The following NFKBIZ variants were observed in gnomAD, a reference collection of about 807,000 sequenced individuals.
NFKBIZ encodes NF-kappa-B inhibitor zeta.
In NFKBIZ, 19 loss-of-function variants were observed where a neutral mutation model predicts 76.8. The ratio of observed to expected loss-of-function variants is 0.25; its 90% confidence interval spans 0.17 to 0.36. NFKBIZ has a LOEUF of 0.36. Ranked by LOEUF, NFKBIZ falls within the 10% of genes least tolerant of loss-of-function variation. NFKBIZ has a pLI of 1.00. For missense variants in NFKBIZ, 829 were observed against 910.9 expected, an observed-to-expected ratio of 0.91 and a Z score of 1.16; for synonymous variants, 368 against 354.8, an observed-to-expected ratio of 1.04 and a Z score of -0.42.
In NFKBIZ at chr3:101,852,934, C is replaced by T. The variant is rs770347676; in HGVS notation, c.509C>T (p.Ser170Leu). Residue 170 changes from serine to leucine, a missense_variant, in exon 4 of 12, where the codon TCG (serine) becomes TTG (leucine). Around this residue, in one of 4 missense-constraint regions of NFKBIZ, gnomAD observed 371 missense variants for 332.3 expected, o/e 1.12. Transcript: ENST00000326172. ...SYSGKRKGPD[S>L]LSDGPACKRP... ...AGTGGGAAAAGGAAAGGGCCCGATT[C>T]GTTGTCTGATGGACCTGCTTGCAAA... The T allele has an allele frequency of 8.1e-6, 13 of 1,614,140 alleles. No individual in the cohort carries two copies. The highest frequency in any genetic ancestry group is 4.4e-5 in the South Asian group (4 of 91,068).
At chr3:101,851,579 T>C (rs1340265781) in intron 1 of NFKBIZ, among the ~76,000 whole-genome samples, 1 of 152,262 alleles carries the variant, frequency 6.6e-6, no homozygotes, top group Non-Finnish European at 1.5e-5. Context: ...TAAGCGGAAT[T>C]GATAGACTTT....
intron 2 of NFKBIZ, among the ~76,000 whole-genome samples, chr3:101,834,608 G>A (rs866425607): frequency 1.3e-5 from 2 of 152,174 alleles, no homozygotes; most frequent in African/African-American, 2.4e-5. Context: ...TGATCCACCC[G>A]CCTCAGCCTC....
Position 101,854,560 on chromosome 3 carries a change from C to G in NFKBIZ, c.1338-18C>G. 1 of 1,502,512 alleles carries G rather than the reference C, an allele frequency of 6.7e-7. No homozygotes were observed. Among genetic ancestry groups the G allele is most frequent in the Non-Finnish European group, 9.2e-7 (1 of 1,085,514 alleles). The allele number at this position is 1,502,512 out of a possible 1,614,324, so 93.1% of individuals were successfully genotyped here. ...AAATCAGAAGTGATTCACCCGCTTTCCTTTCCATGTTCCCCAGGTTCCTTC... is the reference window on the plus strand; with the variant it reads ...AAATCAGAAGTGATTCACCCGCTTTGCTTTCCATGTTCCCCAGGTTCCTTC... On this transcript the variant is annotated intron_variant, in intron 5 of 11. Coordinates refer to ENST00000326172, the MANE Select transcript of NFKBIZ (RefSeq NM_031419.4).
chr3:101,843,009 A>G (rs1267765402), intron 2 of NFKBIZ, among the ~76,000 whole-genome samples: 1 of 143,392 alleles, frequency 7.0e-6, no homozygotes, highest in Non-Finnish European at 1.5e-5. Flanking sequence ...ATTTTTAAAA[A>G]CTGTATTTTC....
At chr3:101,838,443 G>T (rs1027372008) in intron 2 of NFKBIZ, among the ~76,000 whole-genome samples, 2 of 152,202 alleles carry the variant, frequency 1.3e-5, no homozygotes, top group African/African-American at 4.8e-5. Context: ...TTAAAGCAAG[G>T]GTTGGCAGAC....
intron 1 of NFKBIZ, among the ~76,000 whole-genome samples, chr3:101,851,252 A>T (rs1292372744): frequency 6.6e-6 from 1 of 152,234 alleles, no homozygotes; most frequent in South Asian, 2.1e-4. Flanking sequence ...ACATACTAAG[A>T]GGTTGTGACA....
chr3:101,858,708 C>G (rs1943089183), intron 11 of NFKBIZ, among the ~76,000 whole-genome samples: 3 of 152,150 alleles, frequency 2.0e-5, no homozygotes, highest in Non-Finnish European at 2.9e-5. Flanking sequence ...TAAATTGTTG[C>G]TTCTAATCTG....
chr3:101,856,039 G>T, intron 9 of NFKBIZ, 137 bp downstream of exon 9: 2 of 732,008 alleles, frequency 2.7e-6, no homozygotes, highest in Non-Finnish European at 4.1e-6. Flanking sequence ...TGTATGGGTG[G>T]TTAAGAAGCC....
At chr3:101,834,639 G>A (rs1942691749) in intron 2 of NFKBIZ, among the ~76,000 whole-genome samples, 1 of 152,204 alleles carries the variant, frequency 6.6e-6, no homozygotes. Context: ...GGGATCACAG[G>A]CGTGAGCCAC....
In NFKBIZ at chr3:101,849,545, C is replaced by G; in HGVS notation, c.-84C>G. The G allele has an allele frequency of 8.3e-7, 1 of 1,205,752 alleles. No homozygotes were observed. Among genetic ancestry groups the G allele is most frequent in the East Asian group, 3.3e-5 (1 of 30,610 alleles). The allele number at this position is 1,205,752 out of a possible 1,614,324, so 74.7% of individuals were successfully genotyped here. ...GCCCGCGCCGTCCGCCCGCCGACAG[C>G]TCCCTGAGCCAGCCCGGGAGGCAGC... On this transcript the variant is annotated 5_prime_UTR_variant, in exon 1 of 12. Coordinates refer to ENST00000326172, the MANE Select transcript of NFKBIZ (RefSeq NM_031419.4).
intron 1 of NFKBIZ, among the ~76,000 whole-genome samples, chr3:101,829,230 A>G (rs186697809): frequency 2.5e-4 from 38 of 152,328 alleles, no homozygotes; most frequent in Non-Finnish European, 4.9e-4. Context: ...GGCGTGGAGC[A>G]CTGCGGTGGC....
chr3:101,856,990 C>A lies in NFKBIZ; in HGVS notation c.1825-83C>A, dbSNP rs535649236. 2.8e-5 allele frequency: 27 copies of A among 974,410 alleles called. 1 individual carries two copies. Among genetic ancestry groups the A allele is most frequent in the Non-Finnish European group, 3.6e-5 (23 of 640,846 alleles). The allele number at this position is 974,410 out of a possible 1,614,324, so 60.4% of individuals were successfully genotyped here. A position where few individuals can be genotyped will look rare whatever the true frequency, so the allele number is the denominator to read the frequency against. On this transcript the variant is annotated intron_variant, in intron 9 of 11. Coordinates refer to ENST00000326172, the MANE Select transcript of NFKBIZ (RefSeq NM_031419.4). Reference sequence around the variant, plus strand: ...AGTCTCTGAAGCTGAATCAGACATTCAGGAGACTGGGTGAAAAGTGTATTC... The same window carrying A: ...AGTCTCTGAAGCTGAATCAGACATTAAGGAGACTGGGTGAAAAGTGTATTC...
Position 101,838,599 on chromosome 3 carries a change from A to G in NFKBIZ, c.-12+8911A>G, listed in dbSNP as rs73865903. On this transcript the variant is annotated intron_variant, in intron 2 of 12. Coordinates refer to the NFKBIZ transcript ENST00000394054. ...ACCATTTTTAGGTGACAGCTGTGCA[A>G]TAGGTTGGATTTGGCCTGCAGGCCG... 9.6e-3 allele frequency among the ~76,000 whole-genome samples: 1,469 copies of G among 152,354 alleles called. 27 individuals carry two copies. Among genetic ancestry groups the G allele is most frequent in the African/African-American group, 0.033 (1,378 of 41,576 alleles).
At chr3:101,836,701 A>C (rs1240791095) in intron 2 of NFKBIZ, among the ~76,000 whole-genome samples, 1 of 152,212 alleles carries the variant, frequency 6.6e-6, no homozygotes, top group Non-Finnish European at 1.5e-5. Flanking sequence ...GTTCTTTAAC[A>C]AATGTCTTTT....
upstream of NFKBIZ, among the ~76,000 whole-genome samples, chr3:101,845,975 CTTCTT>C (rs1401837040): frequency 1.3e-5 from 2 of 152,220 alleles, no homozygotes; most frequent in African/African-American, 4.8e-5. Flanking sequence ...ATTTCAATCT[CTTCTT>C]TGCTTTCGAT....
intron 2 of NFKBIZ, among the ~76,000 whole-genome samples, chr3:101,833,719 G>A (rs1942677294): frequency 6.6e-6 from 1 of 152,126 alleles, no homozygotes; most frequent in South Asian, 2.1e-4. Context: ...GTAAGGTTTC[G>A]TATCTTGTAA....
chr3:101,849,733 C>T lies in NFKBIZ; in HGVS notation c.105C>T (p.Phe35=), dbSNP rs751162493. 2.1e-6 allele frequency: 3 copies of T among 1,449,666 alleles called. No individual in the cohort carries two copies. The highest frequency in any genetic ancestry group is 1.8e-6 in the Non-Finnish European group (2 of 1,106,046). 89.8% of individuals were successfully genotyped at this position (1,449,666 alleles called of 1,614,324 possible). The stretch of plus-strand genomic sequence containing the variant: ...CCAGCCCGCTCAACCTGAGCTACTT[C>T]TACGGCGCGTCGCCGCCCGCCGCCG... ...LMTSPLNLSY[F]YGASPPAAAP... is the part of the protein sequence containing the mutation. The change falls in exon 1 of 12, where the codon TTC becomes TTT. Residue 35 remains phenylalanine, a synonymous_variant. Coordinates refer to ENST00000326172, the MANE Select transcript of NFKBIZ (RefSeq NM_031419.4).
In NFKBIZ at chr3:101,853,218, C is replaced by T; in HGVS notation, c.692C>T (p.Ser231Phe). 6.2e-7 allele frequency: 1 copy of T among 1,614,188 alleles called. No homozygotes were observed. The highest frequency in any genetic ancestry group is 8.5e-7 in the Non-Finnish European group (1 of 1,180,032). Residue 231 changes from serine (S) to phenylalanine (F), a missense_variant, in exon 5 of 12, where the codon TCC becomes TTC. Ser to Phe is a radical substitution (Grantham distance 155, BLOSUM62 -2). Transcript: ENST00000326172. ...INIKNECSPV[S>F]LNTVQVSWLN... ...ATTAAGAATGAATGCAGCCCCGTTT[C>T]CCTGAACACAGTTCAAGTTAGCTGG...
At position 101,855,406 on chromosome 3, in the gene NFKBIZ, G is replaced by A; in HGVS notation, c.1602G>A (p.Lys534=). ...TTTAAAATCTGCAGGCGATTCAGAA[G>A]GGAGCAGTGGGAAGTAATCAGTTTG... is the stretch of plus-strand genomic sequence containing the variant. ...GHSQVLQAIQ[K]GAVGSNQFVD... is the part of the protein sequence containing the mutation. Residue 534 remains lysine, a synonymous_variant, in exon 8 of 12, where the codon AAG becomes AAA. Coordinates refer to ENST00000326172, the MANE Select transcript of NFKBIZ (RefSeq NM_031419.4). 1 of 1,614,234 alleles carries A rather than the reference G, an allele frequency of 6.2e-7. No individual in the cohort carries two copies. Among genetic ancestry groups the A allele is most frequent in the East Asian group, 2.2e-5 (1 of 44,890 alleles).
Sources: gnomAD v4.1 joint callset for allele counts (sites outside exome capture counted in the v4.1 genomes callset) on GRCh38, gnomAD v4.1.1 for gene constraint, gnomAD v4.1.1 regional missense constraint, MANE v1.5 for transcripts, NCBI Gene and HGNC (gene_info 2026-07-23, HGNC 2026-07-21) for gene names.